The following SMOC1 variants were observed in gnomAD, a reference collection of about 807,000 sequenced individuals.
The protein encoded by SMOC1 is SPARC-related modular calcium-binding protein 1.
SMOC1 carries 22 observed loss-of-function variants against 56.3 expected under a neutral mutation model. The ratio of observed to expected loss-of-function variants is 0.39; its 90% CI spans 0.28 to 0.56. The LOEUF is 0.56. SMOC1 is among the 20% of genes least tolerant of loss of function. The pLI is 0.61. For missense variants in SMOC1, 509 were observed against 565.4 expected (o/e 0.90, Z 1.01); for synonymous variants, 193 against 215.0 (o/e 0.90, Z 0.89).
At chr14:70,023,070 C>T in intron 10 of SMOC1, 133 bp from the exon 11 acceptor site, 2 of 1,369,068 alleles carry the variant, frequency 1.5e-6, no homozygotes, top group East Asian at 4.6e-5. Context: ...ACAGGCTGAG[C>T]CGCTGTGGGT....
intron 10 of SMOC1, among the ~76,000 whole-genome samples, chr14:70,021,274 C>T (rs1286530246): frequency 6.6e-6 from 1 of 152,206 alleles, no homozygotes; most frequent in Non-Finnish European, 1.5e-5. Context: ...AGGTCACTCC[C>T]CTACCTGCAC....
intron 10 of SMOC1, among the ~76,000 whole-genome samples, chr14:70,014,739 G>C (rs764780822): frequency 3.9e-5 from 6 of 152,238 alleles, no homozygotes; most frequent in Non-Finnish European, 7.3e-5. Context: ...GGCAGGGATG[G>C]GCAGCCTGCT....
At chr14:69,904,349 A>T (rs1203629313) in intron 1 of SMOC1, among the ~76,000 whole-genome samples, 1 of 152,208 alleles carries the variant, frequency 6.6e-6, no homozygotes, top group Non-Finnish European at 1.5e-5. Flanking sequence ...CCAAGCATGC[A>T]TGCATGTGTG....
At chr14:69,887,025 C>G (rs145750686) in intron 1 of SMOC1, among the ~76,000 whole-genome samples, 1 of 152,166 alleles carries the variant, frequency 6.6e-6, no homozygotes, top group Non-Finnish European at 1.5e-5. Flanking sequence ...AGGAGAAACT[C>G]ATGTCCTGTG....
intron 9 of SMOC1, 43 bp downstream of exon 9, chr14:70,011,610 G>A: frequency 5.2e-6 from 8 of 1,547,014 alleles, no homozygotes; most frequent in Non-Finnish European, 7.1e-6. Flanking sequence ...ACCTCCTTCT[G>A]TTCCTCCACC....
At chr14:69,916,043 G>C (rs541067619) in intron 1 of SMOC1, among the ~76,000 whole-genome samples, 1 of 152,216 alleles carries the variant, frequency 6.6e-6, no homozygotes, top group East Asian at 1.9e-4. Flanking sequence ...CTACATATCT[G>C]CCTTCTTGCT....
chr14:70,001,767 A>C (rs986026137), intron 7 of SMOC1, among the ~76,000 whole-genome samples: 1 of 152,208 alleles, frequency 6.6e-6, no homozygotes. Flanking sequence ...GATTGCATTT[A>C]ATCTTCACAA....
At chr14:69,945,441 A>G (rs898764615) in intron 1 of SMOC1, among the ~76,000 whole-genome samples, 15 of 152,176 alleles carry the variant, frequency 9.9e-5, no homozygotes, top group Non-Finnish European at 2.1e-4. Context: ...CAGGCAAGAG[A>G]TAAAGGACTA....
chr14:69,879,751 C>T lies in SMOC1; in HGVS notation c.73C>T (p.Arg25Cys). The T allele has an allele frequency of 1.9e-6, 3 of 1,592,712 alleles. No homozygotes were observed. Among genetic ancestry groups the T allele is most frequent in the Non-Finnish European group, 1.7e-6 (2 of 1,176,378 alleles). ...GGTGTTGGTGCAGCTGTCCCCTGCT[C>T]GCGGCCACCGCACCACAGGCCCCAG... ...LLVLVQLSPA[R>C]GHRTTGPRFL... The change falls in exon 1 of 12, where the codon CGC becomes TGC. Residue 25 changes from arginine to cysteine, a missense_variant. Transcript: ENST00000361956.
chr14:70,015,423 G>A (rs529103996), intron 10 of SMOC1, among the ~76,000 whole-genome samples: 1 of 151,470 alleles, frequency 6.6e-6, no homozygotes, highest in Admixed American at 6.6e-5. Context: ...TAGATCTCCT[G>A]TTTAATGTTC....
rs142824419 is a variant in SMOC1 at position 69,947,921 on chromosome 14, T to C, written c.100-4217T>C. On this transcript the variant is annotated intron_variant, in intron 1 of 11. Coordinates refer to ENST00000361956, the MANE Select transcript of SMOC1 (RefSeq NM_001034852.3). ...CGGAGCGTTCCAGAGTCTCTAGGAT[T>C]AAGTCTTCCTCTTATTGCCTTTATC... 9.2e-4 allele frequency among the ~76,000 whole-genome samples: 140 copies of C among 152,308 alleles called. 1 individual carries two copies. Among genetic ancestry groups the C allele is most frequent in the African/African-American group, 3.0e-3 (126 of 41,572 alleles).
chr14:69,929,133 A>G (rs1885095887), intron 1 of SMOC1, among the ~76,000 whole-genome samples: 1 of 152,164 alleles, frequency 6.6e-6, no homozygotes, highest in Non-Finnish European at 1.5e-5. Flanking sequence ...GTGACTGTCC[A>G]GCATCTGCCA....
rs185462751 is a variant in SMOC1 at position 70,020,863 on chromosome 14, G to A, written c.1047-2340G>A. 4.6e-4 allele frequency among the ~76,000 whole-genome samples: 70 copies of A among 152,288 alleles called. No homozygotes were observed. In the Middle Eastern group the frequency reaches 0.031, roughly 67 times the overall value. On this transcript the variant is annotated intron_variant, in intron 10 of 11. Coordinates refer to ENST00000361956, the MANE Select transcript of SMOC1 (RefSeq NM_001034852.3). ...AGGTTGTAAAGTCAGAAGAAGAACT[G>A]CTTCTTGCTGCAAAATAGCCCAAAG...
At chr14:70,000,623 C>T (rs1235564450) in intron 7 of SMOC1, among the ~76,000 whole-genome samples, 5 of 152,194 alleles carry the variant, frequency 3.3e-5, no homozygotes, top group Admixed American at 6.5e-5. Flanking sequence ...TGCCTCCATG[C>T]TATATTGGGA....
At chr14:69,933,396 G>A (rs1353948867) in intron 1 of SMOC1, among the ~76,000 whole-genome samples, 1 of 151,898 alleles carries the variant, frequency 6.6e-6, no homozygotes, top group African/African-American at 2.4e-5. Context: ...GTTAACACAT[G>A]TACTGTTTCT....
At chr14:69,980,000 C>T (rs1195799904) in intron 5 of SMOC1, among the ~76,000 whole-genome samples, 2 of 152,142 alleles carry the variant, frequency 1.3e-5, no homozygotes, top group African/African-American at 4.8e-5. Context: ...GGCTTTGCAC[C>T]CTGTGGACAA....
At chr14:69,984,127 G>A (rs1449309514) in intron 5 of SMOC1, among the ~76,000 whole-genome samples, 1 of 152,190 alleles carries the variant, frequency 6.6e-6, no homozygotes, top group East Asian at 1.9e-4. Flanking sequence ...AGTAACAGAT[G>A]CATGAATCAA....
At chr14:69,885,655 A>G in intron 1 of SMOC1, 3 of 1,450,496 alleles carry the variant, frequency 2.1e-6, no homozygotes, top group Non-Finnish European at 2.9e-6. Flanking sequence ...GCTCGATGGG[A>G]TCCATGTCGT....
At chr14:69,899,385 A>G (rs1190300322) in intron 1 of SMOC1, among the ~76,000 whole-genome samples, 1 of 152,162 alleles carries the variant, frequency 6.6e-6, no homozygotes, top group Non-Finnish European at 1.5e-5. Flanking sequence ...TTCTCGTGAC[A>G]GAGTTCTCAT....
Sources: gnomAD v4.1 joint callset for allele counts (sites outside exome capture counted in the v4.1 genomes callset) on GRCh38, gnomAD v4.1.1 for gene constraint, MANE v1.5 for transcripts, NCBI Gene and HGNC (gene_info 2026-07-23, HGNC 2026-07-21) for gene names.